Variants in RPRD1B observed in about 807,000 individuals in gnomAD.
RPRD1B encodes the protein regulation of nuclear pre-mRNA domain containing 1B, also known as regulation of nuclear pre-mRNA domain-containing protein 1B.
A neutral mutation model predicts 41.5 loss-of-function variants in RPRD1B; 11 were observed. The observed-to-expected ratio is 0.27, with a 90% CI of 0.17 to 0.44. RPRD1B has a LOEUF of 0.44. Ranked by LOEUF, RPRD1B falls within the 20% of genes least tolerant of loss-of-function variation. RPRD1B has a pLI of 1.00. For missense variants in RPRD1B, 248 were observed against 389.9 expected (o/e 0.64, Z 3.06); for synonymous variants, 158 against 155.6 (o/e 1.02, Z -0.12).
chr20:38,043,098 A>G (rs2074083872), intron 2 of RPRD1B, among the ~76,000 whole-genome samples: 1 of 152,222 alleles, frequency 6.6e-6, no homozygotes, highest in South Asian at 2.1e-4. Flanking sequence ...AGGCAGGCAA[A>G]GACAATTAAA....
At chr20:38,042,193 A>T (rs918134877) in intron 2 of RPRD1B, among the ~76,000 whole-genome samples, 16 of 152,186 alleles carry the variant, frequency 1.1e-4, no homozygotes, top group Non-Finnish European at 2.2e-4. Flanking sequence ...TCTACAAAAA[A>T]TTTTTTAAAA....
chr20:38,050,833 G>C (rs1002467112), intron 3 of RPRD1B, among the ~76,000 whole-genome samples: 1 of 152,136 alleles, frequency 6.6e-6, no homozygotes, highest in Non-Finnish European at 1.5e-5. Context: ...ATTCTATAAA[G>C]ATGAAAACAC....
At chr20:38,085,363 CATACAGGACTAA>C (rs1042392882) in intron 6 of RPRD1B, 3 of 152,152 alleles carry the variant, frequency 2.0e-5, no homozygotes, top group African/African-American at 7.2e-5. Flanking sequence ...TCCTGTGTTA[CATACAGGACTAA>C]AGTATAGTCC....
intron 6 of RPRD1B, among the ~76,000 whole-genome samples, chr20:38,088,546 C>T (rs1349440330): frequency 1.3e-5 from 2 of 152,246 alleles, no homozygotes; most frequent in Non-Finnish European, 2.9e-5. Flanking sequence ...CTTACCCTTG[C>T]AGAGACACTG....
chr20:38,069,246 T>TA lies in RPRD1B; in HGVS notation c.831+2991dup, dbSNP rs534279170. Reference sequence around the variant, plus strand: ...GAGCCTAGGATGTAGGAGAGGGAATTACGGCTCAAAGTAGGAGATTGTGTT... The same window carrying TA: ...GAGCCTAGGATGTAGGAGAGGGAATTAACGGCTCAAAGTAGGAGATTGTGTT... On this transcript the variant is annotated intron_variant, in intron 6 of 6. Coordinates refer to ENST00000373433, the MANE Select transcript of RPRD1B (RefSeq NM_021215.4). Among the ~76,000 whole-genome samples the TA allele has an allele frequency of 7.4e-3, 1,130 of 152,334 alleles. 8 individuals carry two copies. The highest frequency in any genetic ancestry group is 0.013 in the Non-Finnish European group (913 of 68,028).
At position 38,090,292 on chromosome 20, in the gene RPRD1B, T is replaced by C; in HGVS notation, c.*417T>C. 1.0e-6 allele frequency: 1 copy of C among 988,460 alleles called. No individual in the cohort carries two copies. The highest frequency in any genetic ancestry group is 1.2e-6 in the Non-Finnish European group (1 of 831,628). 61.2% of individuals were successfully genotyped at this position (988,460 alleles called of 1,614,324 possible). A position where few individuals can be genotyped will look rare whatever the true frequency, so the allele number is the denominator to read the frequency against. ...CTGGGCTGGGCTTGTTCAAGTTCGG[T>C]GTGGGCTTCCACTAAGGCACTTGTC... On this transcript the variant is annotated 3_prime_UTR_variant, in exon 7 of 7. Transcript: ENST00000373433.
chr20:38,039,380 CAGTTT>C (rs1434959755), intron 1 of RPRD1B, among the ~76,000 whole-genome samples: 1 of 151,314 alleles, frequency 6.6e-6, no homozygotes, highest in Non-Finnish European at 1.5e-5. Flanking sequence ...GAGAAATTCT[CAGTTT>C]AGGAGCAAAA....
intron 3 of RPRD1B, among the ~76,000 whole-genome samples, chr20:38,049,359 CTT>C (rs367731624): frequency 7.9e-6 from 1 of 126,408 alleles, no homozygotes; most frequent in African/African-American, 3.3e-5. Context: ...TTTTTTCTTT[CTT>C]TTTTTCTTTT....
intron 1 of RPRD1B, among the ~76,000 whole-genome samples, chr20:38,035,753 G>C (rs1382190912): frequency 6.7e-6 from 1 of 148,904 alleles, no homozygotes; most frequent in African/African-American, 2.6e-5. Context: ...GTCCATCTCA[G>C]GTGTCATTTT....
intron 4 of RPRD1B, 118 bp downstream of exon 4, chr20:38,057,762 C>T (rs2074259101): frequency 1.5e-6 from 1 of 679,872 alleles, no homozygotes; most frequent in Admixed American, 2.8e-5. Flanking sequence ...GGGCACCTCT[C>T]AGGGGCCCCG....
At chr20:38,066,665 T>A (rs2074360003) in intron 6 of RPRD1B, among the ~76,000 whole-genome samples, 1 of 152,190 alleles carries the variant, frequency 6.6e-6, no homozygotes, top group Non-Finnish European at 1.5e-5. Flanking sequence ...TTTATTTCTT[T>A]TTTTTTTTGA....
chr20:38,091,153 G>T lies in RPRD1B; in HGVS notation c.*1278G>T. 1 of 985,784 alleles carries T rather than the reference G, an allele frequency of 1.0e-6. No individual in the cohort carries two copies. The highest frequency in any genetic ancestry group is 1.2e-6 in the Non-Finnish European group (1 of 829,924). The allele number at this position is 985,784 out of a possible 1,614,324, so 61.1% of individuals were successfully genotyped here. ...GCAGGCTTATTTTTGACATTGGAAAGGGCAGAAAGCGATTTGCCCCAGTAG... is the reference window on the plus strand; with the variant it reads ...GCAGGCTTATTTTTGACATTGGAAATGGCAGAAAGCGATTTGCCCCAGTAG... On this transcript the variant is annotated 3_prime_UTR_variant, in exon 7 of 7. Transcript: ENST00000373433.
chr20:38,048,564 G>A (rs1304705356), intron 3 of RPRD1B, 83 bp downstream of exon 3: 1 of 1,511,320 alleles, frequency 6.6e-7, no homozygotes, highest in African/African-American at 1.4e-5. Context: ...GGGGTTTGCT[G>A]TGAACCACCA....
At position 38,091,467 on chromosome 20, in the gene RPRD1B, A is replaced by G; in HGVS notation, c.*1592A>G. ...CCTAGTAGTGTTTGAGCTGTTATTC[A>G]GATTTGAATTCAGACTGTGTGTTGT... On this transcript the variant is annotated 3_prime_UTR_variant, in exon 7 of 7. Transcript: ENST00000373433. 6 of 985,458 alleles carry G rather than the reference A, an allele frequency of 6.1e-6. No individual in the cohort carries two copies. The highest frequency in any genetic ancestry group is 7.2e-6 in the Non-Finnish European group (6 of 829,942). The allele number at this position is 985,458 out of a possible 1,614,324, so 61.0% of individuals were successfully genotyped here.
At chr20:38,086,658 T>C (rs2074563830) in intron 6 of RPRD1B, among the ~76,000 whole-genome samples, 1 of 152,140 alleles carries the variant, frequency 6.6e-6, no homozygotes. Context: ...TATTAATCCT[T>C]TTCAGTGACA....
chr20:38,051,247 A>C (rs1049917334), intron 3 of RPRD1B, among the ~76,000 whole-genome samples: 1 of 152,226 alleles, frequency 6.6e-6, no homozygotes, highest in Non-Finnish European at 1.5e-5. Flanking sequence ...CTTAAAAACA[A>C]AATTTAAAAA....
chr20:38,064,157 T>C (rs747166144), intron 5 of RPRD1B, among the ~76,000 whole-genome samples: 13 of 152,190 alleles, frequency 8.5e-5, no homozygotes, highest in Non-Finnish European at 1.8e-4. Flanking sequence ...CTTTATCCTC[T>C]GTGACTGAGG....
chr20:38,085,067 G>A (rs754463759), intron 6 of RPRD1B, among the ~76,000 whole-genome samples: 3 of 152,176 alleles, frequency 2.0e-5, no homozygotes, highest in Non-Finnish European at 4.4e-5. Flanking sequence ...CCACATCTCA[G>A]TATAAATAAT....
chr20:38,069,655 C>T (rs914011223), intron 6 of RPRD1B, among the ~76,000 whole-genome samples: 1 of 152,218 alleles, frequency 6.6e-6, no homozygotes, highest in Non-Finnish European at 1.5e-5. Context: ...CGATGCACTT[C>T]TCCCCTCAAA....
Sources: allele counts gnomAD v4.1 joint callset (sites outside exome capture counted in the v4.1 genomes callset), GRCh38; gene constraint gnomAD v4.1.1; transcripts MANE v1.5; gene names NCBI Gene and HGNC (gene_info 2026-07-23, HGNC 2026-07-21).